MEIS2: variants seen among roughly 807,000 people sequenced by gnomAD.
MEIS2 encodes Meis homeobox 2, also known as homeobox protein Meis2.
MEIS2 carries 9 observed loss-of-function variants against 58.6 expected under a neutral mutation model. The ratio of observed to expected loss-of-function variants is 0.15; its 90% confidence interval spans 0.09 to 0.27. The LOEUF (loss-of-function observed/expected upper bound fraction) is 0.27. Among genes scored for constraint, MEIS2 ranks in the 10% least tolerant of loss-of-function variants. The pLI is 1.00. For missense variants in MEIS2, 427 were observed against 635.0 expected (o/e 0.67, Z 3.52); for synonymous variants, 221 against 228.4 (o/e 0.97, Z 0.29).
At chr15:36,948,369 G>T (rs773070682) in intron 9 of MEIS2, among the ~76,000 whole-genome samples, 4 of 151,910 alleles carry the variant, frequency 2.6e-5, no homozygotes, top group Admixed American at 6.6e-5. Flanking sequence ...TTCCAGCCAG[G>T]TGTCTAATTG....
intron 9 of MEIS2, among the ~76,000 whole-genome samples, chr15:36,930,670 C>T (rs181725109): frequency 3.2e-4 from 48 of 150,576 alleles, no homozygotes; most frequent in Admixed American, 1.4e-3. Flanking sequence ...AAAAAAATGA[C>T]GAAAGCTTTG....
At chr15:36,965,381 A>C (rs1043887723) in intron 8 of MEIS2, among the ~76,000 whole-genome samples, 1 of 152,216 alleles carries the variant, frequency 6.6e-6, no homozygotes, top group African/African-American at 2.4e-5. Context: ...AGTTGCCATC[A>C]AAACAATGCA....
At chr15:36,978,896 T>C (rs750842746) in intron 8 of MEIS2, among the ~76,000 whole-genome samples, 2 of 152,238 alleles carry the variant, frequency 1.3e-5, no homozygotes, top group Non-Finnish European at 2.9e-5. Context: ...ATGTTATGGC[T>C]AAAATAAACA....
At chr15:36,988,280 T>G (rs2060157886) in intron 8 of MEIS2, among the ~76,000 whole-genome samples, 2 of 152,194 alleles carry the variant, frequency 1.3e-5, no homozygotes, top group African/African-American at 4.8e-5. Context: ...GGCCAAATAC[T>G]TATTATTATC....
At chr15:36,958,601 T>G (rs1026547725) in intron 8 of MEIS2, among the ~76,000 whole-genome samples, 1 of 152,202 alleles carries the variant, frequency 6.6e-6, no homozygotes, top group Non-Finnish European at 1.5e-5. Context: ...AGATTCAGAA[T>G]TTCAAGCATA....
intron 8 of MEIS2, among the ~76,000 whole-genome samples, chr15:36,979,340 T>G (rs2059857543): frequency 6.6e-6 from 1 of 152,170 alleles, no homozygotes; most frequent in African/African-American, 2.4e-5. Flanking sequence ...TGAAAAATTT[T>G]GAAATGCTAG....
In MEIS2 at chr15:36,892,113, G is replaced by C; in HGVS notation, c.*60C>G. ...TATTAAGTGTCAACATCTGGTCAAA[G>C]TTCAGAAAGTCTTAAAATAGTTTTT... On this transcript the variant is annotated 3_prime_UTR_variant, in exon 12 of 12. Transcript: ENST00000561208. 6.4e-7 allele frequency: 1 copy of C among 1,561,088 alleles called. No homozygotes were observed. The highest frequency in any genetic ancestry group is 8.8e-7 in the Non-Finnish European group (1 of 1,136,822).
intron 8 of MEIS2, among the ~76,000 whole-genome samples, chr15:36,987,708 C>T (rs1407318037): frequency 1.3e-5 from 2 of 151,852 alleles, no homozygotes; most frequent in Non-Finnish European, 2.9e-5. Context: ...AGCTGAGGGG[C>T]TGAAAGTCCC....
chr15:37,097,842 C>T, intron 2 of MEIS2, 125 bp downstream of exon 2: 2 of 1,376,344 alleles, frequency 1.5e-6, no homozygotes, highest in Middle Eastern at 1.9e-4. Context: ...CTAAGGCAAG[C>T]GGCGCCCGCC....
rs922818591 is a variant in MEIS2 at position 36,952,969 on chromosome 15, CT to C, written c.901-2570del. 1.1e-3 allele frequency among the ~76,000 whole-genome samples: 164 copies of C among 150,768 alleles called. 1 individual carries two copies. Among genetic ancestry groups the C allele is most frequent in the African/African-American group, 3.7e-3 (151 of 41,104 alleles). Reference sequence around the variant, plus strand: ...ACCAAAATTCACCTTGCACAGATGGCTTTTTTTTTAATTAATAGGGAAGACC... The same window carrying C: ...ACCAAAATTCACCTTGCACAGATGGCTTTTTTTTAATTAATAGGGAAGACC... On this transcript the variant is annotated intron_variant, in intron 8 of 11. Coordinates refer to ENST00000561208, the MANE Select transcript of MEIS2 (RefSeq NM_170675.5).
At chr15:37,057,107 C>A (rs1447046840) in intron 7 of MEIS2, among the ~76,000 whole-genome samples, 1 of 152,204 alleles carries the variant, frequency 6.6e-6, no homozygotes. Context: ...CAAATCCTCA[C>A]GGCACCTAGC....
chr15:36,975,635 C>T (rs570460990), intron 8 of MEIS2, among the ~76,000 whole-genome samples: 1 of 152,044 alleles, frequency 6.6e-6, no homozygotes, highest in East Asian at 1.9e-4. Flanking sequence ...GGGAATCTAA[C>T]GAGGTTTTGG....
chr15:36,949,400 A>AGAG (rs1296518858), intron 9 of MEIS2, among the ~76,000 whole-genome samples: 1 of 152,052 alleles, frequency 6.6e-6, no homozygotes. Flanking sequence ...TCCCACAGAT[A>AGAG]GAGCACTTTG....
rs992495955 is a variant in MEIS2 at position 37,002,134 on chromosome 15, G to C, written c.900+34680C>G. Reference sequence around the variant, plus strand: ...ACCAATGTGGTCTCTAGTCTGAATAGACCTGCCCTCCCAACATCATTTCCT... The same window carrying C: ...ACCAATGTGGTCTCTAGTCTGAATACACCTGCCCTCCCAACATCATTTCCT... On this transcript the variant is annotated intron_variant, in intron 8 of 11. Coordinates refer to ENST00000561208, the MANE Select transcript of MEIS2 (RefSeq NM_170675.5). Among the ~76,000 whole-genome samples the C allele has an allele frequency of 7.9e-5, 12 of 152,054 alleles. No homozygotes were observed. In the East Asian group the frequency reaches 2.3e-3, roughly 29 times the overall value.
At chr15:36,983,873 T>A (rs1205840514) in intron 8 of MEIS2, among the ~76,000 whole-genome samples, 1 of 152,038 alleles carries the variant, frequency 6.6e-6, no homozygotes, top group Non-Finnish European at 1.5e-5. Context: ...ACTTGGTTTA[T>A]TTTTTTCCTA....
chr15:37,097,639 G>T (rs2140098842), intron 2 of MEIS2, among the ~76,000 whole-genome samples: 1 of 152,310 alleles, frequency 6.6e-6, no homozygotes, highest in South Asian at 2.1e-4. Flanking sequence ...CTGTTAGGGA[G>T]CCTGAAACGA....
intron 9 of MEIS2, among the ~76,000 whole-genome samples, chr15:36,906,900 T>A (rs1171694528): frequency 1.3e-5 from 2 of 152,174 alleles, no homozygotes; most frequent in African/African-American, 4.8e-5. Flanking sequence ...AGTAAAAACC[T>A]CTGTGGTCAA....
intron 9 of MEIS2, chr15:36,897,567 A>G (rs1363215734): frequency 6.6e-6 from 1 of 152,226 alleles, no homozygotes; most frequent in Non-Finnish European, 1.5e-5. Context: ...GTACAAACAG[A>G]GTAAGATGAT....
chr15:37,008,595 T>G (rs899499853), intron 8 of MEIS2, among the ~76,000 whole-genome samples: 29 of 152,364 alleles, frequency 1.9e-4, no homozygotes, highest in Non-Finnish European at 3.8e-4. Flanking sequence ...AGATAAAGAC[T>G]TTCACTCACT....
Sources: allele counts gnomAD v4.1 joint callset (sites outside exome capture counted in the v4.1 genomes callset), GRCh38; gene constraint gnomAD v4.1.1; transcripts MANE v1.5; gene names NCBI Gene and HGNC (gene_info 2026-07-23, HGNC 2026-07-21).